Variants in PEAK1 observed in about 807,000 individuals in gnomAD.
PEAK1 encodes the protein pseudopodium enriched atypical kinase 1, also known as inactive tyrosine-protein kinase PEAK1.
Under a neutral mutation model 124.7 loss-of-function variants are expected in PEAK1, and 54 were observed. The ratio of observed to expected loss-of-function variants is 0.43; its 90% CI spans 0.35 to 0.54. The LOEUF is 0.54. Among genes scored for constraint, PEAK1 ranks in the 20% least tolerant of loss-of-function variants. The pLI is 0.01. For missense variants in PEAK1, 2,046 were observed against 2,134.5 expected, an observed-to-expected ratio of 0.96 and a Z score of 0.82; for synonymous variants, 719 against 760.0, an observed-to-expected ratio of 0.95 and a Z score of 0.89.
Position 77,182,749 on chromosome 15 carries a change from C to CAAAAAAAAAAAAAAAAAAAAAA in PEAK1, c.-114-710_-114-709insTTTTTTTTTTTTTTTTTTTTTT, listed in dbSNP as rs71143395. ...TGGGTGACAGAGTGAGACCTTGTCT[C>CAAAAAAAAAAAAAAAAAAAAAA]AAAAAAAAAAAAAAAAAAAAGGCTG... On this transcript the variant is annotated intron_variant, in intron 6 of 9. Coordinates refer to ENST00000682557, the MANE Select transcript of PEAK1 (RefSeq NM_001385026.1). Among the ~76,000 whole-genome samples, 5 of 65,144 alleles carry CAAAAAAAAAAAAAAAAAAAAAA rather than the reference C, an allele frequency of 7.7e-5. 1 individual carries two copies. Among genetic ancestry groups the CAAAAAAAAAAAAAAAAAAAAAA allele is most frequent in the African/African-American group, 3.1e-4 (5 of 16,170 alleles). The allele number at this position is 65,144 out of a possible 152,430, so 42.7% of individuals were successfully genotyped here.
At chr15:77,383,308 G>A (rs2069641898) in intron 1 of PEAK1, among the ~76,000 whole-genome samples, 1 of 152,136 alleles carries the variant, frequency 6.6e-6, no homozygotes, top group South Asian at 2.1e-4. Context: ...TTACAGACAT[G>A]AGCTACCATG....
In PEAK1 at chr15:77,188,354, A is replaced by C. The variant is rs189758038; in HGVS notation, c.-114-6314T>G. On this transcript the variant is annotated intron_variant, in intron 6 of 9. Coordinates refer to ENST00000682557, the MANE Select transcript of PEAK1 (RefSeq NM_001385026.1). ...CTCAGGATAAGAATCATGTAACAAC[A>C]AATGCACCCCTGCAAAGCAGCACCG... 1.2e-4 allele frequency among the ~76,000 whole-genome samples: 19 copies of C among 152,316 alleles called. No homozygotes were observed. The East Asian group carries it at 3.7e-3, about 29-fold the overall frequency.
At chr15:77,213,690 A>AAAAAAC (rs1315730554) in intron 6 of PEAK1, among the ~76,000 whole-genome samples, 1 of 152,276 alleles carries the variant, frequency 6.6e-6, no homozygotes, top group East Asian at 1.9e-4. Flanking sequence ...CTCTGTCTCA[A>AAAAAAC]AAAAACAAAA....
intron 1 of PEAK1, among the ~76,000 whole-genome samples, chr15:77,366,848 C>T (rs1263154568): frequency 6.6e-6 from 1 of 152,204 alleles, no homozygotes; most frequent in Non-Finnish European, 1.5e-5. Flanking sequence ...AGGCATGATC[C>T]ATACGCCCAG....
intron 6 of PEAK1, among the ~76,000 whole-genome samples, chr15:77,245,396 A>G (rs1172334757): frequency 6.6e-6 from 1 of 151,928 alleles, no homozygotes; most frequent in Non-Finnish European, 1.5e-5. Flanking sequence ...CTCTTCTTGT[A>G]CCATTTCTTG....
intron 9 of PEAK1, among the ~76,000 whole-genome samples, chr15:77,128,819 T>C (rs1246311458): frequency 1.3e-5 from 2 of 152,164 alleles, no homozygotes; most frequent in Non-Finnish European, 2.9e-5. Flanking sequence ...CTGATTTAGA[T>C]GATATTTAGA....
intron 9 of PEAK1, among the ~76,000 whole-genome samples, chr15:77,116,269 A>G (rs2051357946): frequency 6.6e-6 from 1 of 152,168 alleles, no homozygotes; most frequent in South Asian, 2.1e-4. Flanking sequence ...CATGGATCAT[A>G]ATAGTCTGGT....
chr15:77,307,214 T>A (rs746996031), intron 2 of PEAK1, among the ~76,000 whole-genome samples: 4 of 152,122 alleles, frequency 2.6e-5, no homozygotes, highest in Non-Finnish European at 5.9e-5. Context: ...GCTTACTGTA[T>A]CTGACATTAA....
chr15:77,189,138 T>G (rs1425438213), intron 6 of PEAK1, among the ~76,000 whole-genome samples: 2 of 151,456 alleles, frequency 1.3e-5, no homozygotes, highest in Non-Finnish European at 2.9e-5. Flanking sequence ...GAGGGGGAGG[T>G]TGCAGTGAGC....
chr15:77,106,933 C>T (rs891185929), downstream of PEAK1: 3 of 152,336 alleles, frequency 2.0e-5, no homozygotes, highest in Middle Eastern at 3.4e-3. Context: ...GCTTTTGTTA[C>T]ACTTCAGCCT....
chr15:77,413,858 C>T (rs1375851120), intron 1 of PEAK1, among the ~76,000 whole-genome samples: 1 of 152,196 alleles, frequency 6.6e-6, no homozygotes. Flanking sequence ...GGGTCTTACT[C>T]TGTTGCCCAG....
chr15:77,239,471 T>C (rs2060262765), intron 6 of PEAK1, among the ~76,000 whole-genome samples: 1 of 152,214 alleles, frequency 6.6e-6, no homozygotes, highest in African/African-American at 2.4e-5. Context: ...CCTTAGTTTC[T>C]TCAGCTGTAA....
chr15:77,114,369 C>T lies in PEAK1; in HGVS notation c.5028G>A (p.Gln1676=). ...LLWGPREDLF[Q]TFTACPSLVQ... is the part of the protein sequence containing the mutation. ...CTAGGCTAGGGCAGGCGGTGAAAGT[C>T]TGGAAGAGATCTTCGCGGGGGCCCC... The change falls in exon 10 of 10, where the codon CAG becomes CAA. Residue 1676 remains glutamine, a synonymous_variant. Transcript: ENST00000682557. The T allele has an allele frequency of 6.2e-7, 1 of 1,614,180 alleles. No homozygotes were observed. The highest frequency in any genetic ancestry group is 8.5e-7 in the Non-Finnish European group (1 of 1,180,022).
chr15:77,180,597 C>A lies in PEAK1; in HGVS notation c.1330G>T (p.Ala444Ser), dbSNP rs201728373. The change falls in exon 7 of 10, where the codon GCT becomes TCT. Residue 444 changes from alanine to serine, a missense_variant. Coordinates refer to ENST00000682557, the MANE Select transcript of PEAK1 (RefSeq NM_001385026.1). ...KEESKASTDV[A>S]GQAVTINLVP... ...AGGTTTATGGTTACTGCTTGCCCAG[C>A]AACATCTGTAGAGGCTTTACTTTCT... 1 of 1,614,134 alleles carries A rather than the reference C, an allele frequency of 6.2e-7. No individual in the cohort carries two copies. The highest frequency in any genetic ancestry group is 1.3e-5 in the African/African-American group (1 of 75,034).
intron 2 of PEAK1, among the ~76,000 whole-genome samples, chr15:77,324,429 T>C (rs2065439275): frequency 6.6e-6 from 1 of 152,100 alleles, no homozygotes; most frequent in African/African-American, 2.4e-5. Flanking sequence ...TGCTGTGAGC[T>C]GAGATCACAC....
intron 9 of PEAK1, among the ~76,000 whole-genome samples, chr15:77,127,116 C>T (rs1010697303): frequency 7.9e-5 from 12 of 151,336 alleles, no homozygotes; most frequent in African/African-American, 2.4e-4. Flanking sequence ...GACACTGGGG[C>T]GTGCTTGCAC....
At position 77,110,646 on chromosome 15, in the gene PEAK1, C is replaced by T. The variant is rs1197053341; in HGVS notation, c.*3510G>A. On this transcript the variant is annotated 3_prime_UTR_variant, in exon 10 of 10. Coordinates refer to ENST00000682557, the MANE Select transcript of PEAK1 (RefSeq NM_001385026.1). The stretch of plus-strand genomic sequence containing the variant: ...AGCAGCAGGGTAGGTAGGATGAGTG[C>T]TTGTGCCCTCACCTCAACCCATACC... 6.6e-6 allele frequency: 1 copy of T among 152,192 alleles called. No individual in the cohort carries two copies. Among genetic ancestry groups the T allele is most frequent in the Non-Finnish European group, 1.5e-5 (1 of 68,040 alleles). The allele number at this position is 152,192 out of a possible 1,614,324, so 9.4% of individuals were successfully genotyped here.
At chr15:77,232,522 A>G (rs917970252) in intron 6 of PEAK1, among the ~76,000 whole-genome samples, 2 of 152,180 alleles carry the variant, frequency 1.3e-5, no homozygotes, top group Admixed American at 6.5e-5. Context: ...CTCGCTACTT[A>G]GCCTCATACT....
At chr15:77,250,538 C>A (rs1181520906) in intron 6 of PEAK1, among the ~76,000 whole-genome samples, 3 of 151,842 alleles carry the variant, frequency 2.0e-5, no homozygotes, top group African/African-American at 7.2e-5. Context: ...GTTCACGCCA[C>A]TCTCCTGCCT....
Sources: allele counts gnomAD v4.1 joint callset (sites outside exome capture counted in the v4.1 genomes callset), GRCh38; gene constraint gnomAD v4.1.1; transcripts MANE v1.5; gene names NCBI Gene and HGNC (gene_info 2026-07-23, HGNC 2026-07-21).